The following NRG1 variants were observed in gnomAD, a reference collection of about 807,000 sequenced individuals.
NRG1 encodes pro-neuregulin-1, membrane-bound isoform.
Under a neutral mutation model 63.8 loss-of-function variants are expected in NRG1, and 18 were observed. That is an observed-to-expected ratio of 0.28 (90% confidence interval 0.19 to 0.42). The LOEUF is 0.42. Ranked by LOEUF, NRG1 falls within the 10% of genes least tolerant of loss-of-function variation. The pLI is 1.00. For missense variants in NRG1, 762 were observed against 814.7 expected (o/e 0.94, Z 0.79); for synonymous variants, 302 against 301.3 (o/e 1.00, Z -0.02).
intron 5 of NRG1, among the ~76,000 whole-genome samples, chr8:32,649,221 T>C (rs898122385): frequency 6.6e-6 from 1 of 151,104 alleles, no homozygotes; most frequent in Non-Finnish European, 1.5e-5. Flanking sequence ...AGCGGCCCAG[T>C]TTAATAACCT....
chr8:32,353,238 T>C (rs1284059081), intron 1 of NRG1, among the ~76,000 whole-genome samples: 1 of 150,496 alleles, frequency 6.6e-6, no homozygotes, highest in African/African-American at 2.4e-5. Context: ...AAAATAACAA[T>C]TGTTATTATT....
At chr8:32,730,664 T>A (rs1387748448) in intron 6 of NRG1, among the ~76,000 whole-genome samples, 1 of 152,202 alleles carries the variant, frequency 6.6e-6, no homozygotes, top group Non-Finnish European at 1.5e-5. Flanking sequence ...TTGCTGTGAA[T>A]ACAGCACAAA....
chr8:32,431,677 C>G (rs1818167385), intron 1 of NRG1, among the ~76,000 whole-genome samples: 1 of 151,876 alleles, frequency 6.6e-6, no homozygotes. Context: ...TTTCACAACA[C>G]AAAATATTTT....
chr8:31,923,984 T>C (rs1834127555), intron 1 of NRG1, among the ~76,000 whole-genome samples: 2 of 152,300 alleles, frequency 1.3e-5, no homozygotes, highest in South Asian at 4.1e-4. Context: ...GTATGTGTCT[T>C]TCCATGTCTG....
intron 1 of NRG1, among the ~76,000 whole-genome samples, chr8:31,792,812 C>A (rs1820843401): frequency 6.6e-6 from 1 of 152,146 alleles, no homozygotes; most frequent in African/African-American, 2.4e-5. Flanking sequence ...TTAAAACTTC[C>A]AGCCCCATCC....
chr8:31,947,968 A>C (rs112498699), intron 1 of NRG1, among the ~76,000 whole-genome samples: 5,034 of 148,656 alleles, frequency 0.034, 358 homozygotes, highest in African/African-American at 0.12. Context: ...AAAAAAAAAA[A>C]AAAACTACTA....
rs1330445301 is a variant in NRG1, at chr8:32,510,122, A to AATC, written c.38-85704_38-85703insCAT. Among the ~76,000 whole-genome samples, 72 of 116,828 alleles carry AATC rather than the reference A, an allele frequency of 6.2e-4. 1 individual carries two copies. The highest frequency in any genetic ancestry group is 4.1e-3 in the Middle Eastern group (1 of 244). 76.6% of individuals were successfully genotyped at this position (116,828 alleles called of 152,430 possible). ...AAATAATAATAATAATAATAATAAT[A>AATC]ATAATCATAAAAGCAAGGGAGGGAG... is the stretch of plus-strand genomic sequence containing the variant. On this transcript the variant is annotated intron_variant, in intron 1 of 10. Transcript: ENST00000519301.
At chr8:32,354,100 G>A (rs188558240) in intron 1 of NRG1, among the ~76,000 whole-genome samples, 34 of 152,302 alleles carry the variant, frequency 2.2e-4, no homozygotes, top group Middle Eastern at 6.8e-3. Context: ...TAGGTGTAGT[G>A]GCTCATGCCT....
At chr8:32,137,639 T>C (rs948373882) in intron 1 of NRG1, among the ~76,000 whole-genome samples, 1 of 152,156 alleles carries the variant, frequency 6.6e-6, no homozygotes, top group African/African-American at 2.4e-5. Context: ...AGGAGAGCCA[T>C]GTGCAAATCC....
intron 1 of NRG1, among the ~76,000 whole-genome samples, chr8:32,215,798 T>A (rs1380855965): frequency 1.3e-5 from 2 of 152,142 alleles, no homozygotes; most frequent in South Asian, 4.1e-4. Context: ...TCCCAGCAAT[T>A]TGGGAGACCA....
chr8:31,823,917 C>T (rs1404972827), intron 1 of NRG1, among the ~76,000 whole-genome samples: 1 of 152,118 alleles, frequency 6.6e-6, no homozygotes, highest in Non-Finnish European at 1.5e-5. Flanking sequence ...CTGAATACAA[C>T]AGCTATCTAA....
intron 1 of NRG1, among the ~76,000 whole-genome samples, chr8:31,794,906 G>A (rs1160501321): frequency 6.6e-6 from 1 of 152,048 alleles, no homozygotes. Context: ...GGATTCAAGC[G>A]ATTCTCCTCC....
intron 1 of NRG1, among the ~76,000 whole-genome samples, chr8:31,791,759 C>T (rs551302041): frequency 6.6e-6 from 1 of 152,324 alleles, no homozygotes; most frequent in South Asian, 2.1e-4. Flanking sequence ...GGCAGTGTCA[C>T]AGCTCTGAGT....
intron 1 of NRG1, among the ~76,000 whole-genome samples, chr8:32,149,234 A>G (rs898847871): frequency 6.6e-6 from 1 of 152,252 alleles, no homozygotes; most frequent in Middle Eastern, 3.2e-3. Context: ...AAGTCTTAGC[A>G]TTCAAGAAGC....
chr8:32,032,253 T>C (rs932716480), intron 1 of NRG1, among the ~76,000 whole-genome samples: 1 of 152,162 alleles, frequency 6.6e-6, no homozygotes, highest in African/African-American at 2.4e-5. Context: ...TGTCTTCTTT[T>C]TTTTTTCTTT....
At chr8:31,764,845 C>T (rs13276201) in intron 1 of NRG1, among the ~76,000 whole-genome samples, 2 of 150,310 alleles carry the variant, frequency 1.3e-5, no homozygotes, top group South Asian at 2.1e-4. Context: ...CCCACTAACT[C>T]GTCATCTAGC....
intron 5 of NRG1, among the ~76,000 whole-genome samples, chr8:32,643,089 T>C: frequency 6.6e-6 from 1 of 152,248 alleles, no homozygotes; most frequent in East Asian, 1.9e-4. Context: ...ATTATGAAAG[T>C]GGATCAGAAA....
chr8:32,588,058 A>T (rs1841932564), intron 1 of NRG1, among the ~76,000 whole-genome samples: 1 of 151,996 alleles, frequency 6.6e-6, no homozygotes, highest in Admixed American at 6.6e-5. Flanking sequence ...AGTAACTGGG[A>T]TTACAGATGT....
chr8:32,275,136 C>T (rs545792386), intron 1 of NRG1, among the ~76,000 whole-genome samples: 54 of 152,216 alleles, frequency 3.5e-4, no homozygotes, highest in Admixed American at 3.4e-3. Context: ...AAGATACTGT[C>T]GGGTGATCAG....
Sources: allele counts gnomAD v4.1 joint callset (sites outside exome capture counted in the v4.1 genomes callset), GRCh38; gene constraint gnomAD v4.1.1; transcripts MANE v1.5; gene names NCBI Gene and HGNC (gene_info 2026-07-23, HGNC 2026-07-21).